Variants in HMBOX1 observed in about 807,000 individuals in gnomAD.
HMBOX1 encodes the protein homeobox containing 1.
HMBOX1 carries 14 observed loss-of-function variants against 54.5 expected under a neutral mutation model. The observed-to-expected ratio is 0.26, with a 90% CI of 0.17 to 0.40. The LOEUF is 0.40. Ranked by LOEUF, HMBOX1 falls within the 10% of genes least tolerant of loss-of-function variation. HMBOX1 has a pLI of 1.00. For synonymous variants in HMBOX1, 160 were observed against 181.0 expected, an observed-to-expected ratio of 0.88 and a Z score of 0.93; for missense variants, 332 against 514.4, an observed-to-expected ratio of 0.65 and a Z score of 3.43.
chr8:29,049,942 G>T (rs1031191985), intron 9 of HMBOX1, among the ~76,000 whole-genome samples: 1 of 152,192 alleles, frequency 6.6e-6, no homozygotes, highest in South Asian at 2.1e-4. Context: ...ATGCATGCAA[G>T]TGTGTGCTGA....
Position 28,940,347 on chromosome 8 carries a change from A to T in HMBOX1, c.-57-23464A>T, listed in dbSNP as rs1176412117. 3.3e-5 allele frequency among the ~76,000 whole-genome samples: 5 copies of T among 152,174 alleles called. No homozygotes were observed. The East Asian group carries it at 9.6e-4, about 29-fold the overall frequency. On this transcript the variant is annotated intron_variant, in intron 1 of 9. Coordinates refer to ENST00000287701, the MANE Select transcript of HMBOX1 (RefSeq NM_001135726.3). ...TTTAAAAGACTAGTTAATGAGCTTTATCATTAGTTCCTAAGGTGAATCCTT... is the reference window on the plus strand; with the variant it reads ...TTTAAAAGACTAGTTAATGAGCTTTTTCATTAGTTCCTAAGGTGAATCCTT...
chr8:28,935,345 A>G (rs367720936), intron 1 of HMBOX1, among the ~76,000 whole-genome samples: 1 of 152,222 alleles, frequency 6.6e-6, no homozygotes, highest in East Asian at 1.9e-4. Flanking sequence ...ACACAACTTA[A>G]GACTGTGTGA....
intron 1 of HMBOX1, among the ~76,000 whole-genome samples, chr8:28,902,956 C>T (rs558122260): frequency 3.7e-4 from 56 of 152,286 alleles, no homozygotes; most frequent in Non-Finnish European, 2.9e-5. Flanking sequence ...CAAGTGTATT[C>T]TCTATGATGG....
chr8:28,966,238 G>C (rs80001782), intron 2 of HMBOX1, among the ~76,000 whole-genome samples: 1 of 152,146 alleles, frequency 6.6e-6, no homozygotes, highest in Non-Finnish European at 1.5e-5. Flanking sequence ...AAAATGTATT[G>C]TGAAAAGTTA....
chr8:28,893,787 T>A (rs1811513958), intron 1 of HMBOX1, among the ~76,000 whole-genome samples: 1 of 152,218 alleles, frequency 6.6e-6, no homozygotes, highest in African/African-American at 2.4e-5. Flanking sequence ...TTGAATACAT[T>A]GGGAATATTT....
chr8:28,908,254 C>A (rs1814718896), intron 1 of HMBOX1, among the ~76,000 whole-genome samples: 1 of 152,016 alleles, frequency 6.6e-6, no homozygotes, highest in South Asian at 2.1e-4. Flanking sequence ...ATATAATTAG[C>A]TTGTCTTGTT....
chr8:29,035,582 G>C (rs1014587399), intron 6 of HMBOX1, among the ~76,000 whole-genome samples: 1 of 152,190 alleles, frequency 6.6e-6, no homozygotes, highest in African/African-American at 2.4e-5. Context: ...AACTGGTTAA[G>C]TGCAGTTTAC....
intron 4 of HMBOX1, among the ~76,000 whole-genome samples, chr8:28,981,202 A>T (rs569663173): frequency 4.9e-4 from 75 of 152,336 alleles, no homozygotes; most frequent in Admixed American, 1.2e-3. Context: ...ATCTAAGGTC[A>T]GCCAATCTTT....
rs183355252 is a variant in HMBOX1, at chr8:29,045,451, C to T, written c.934+8C>T. The T allele has an allele frequency of 5.6e-6, 9 of 1,611,302 alleles. No individual in the cohort carries two copies. The East Asian group carries it at 1.1e-4, about 20-fold the overall frequency. ...CAGTTATACAGAAGCCAGGTAAGGTCGCAGGCACAGCCTTGCTCTGCGGTG... is the reference window on the plus strand; with the variant it reads ...CAGTTATACAGAAGCCAGGTAAGGTTGCAGGCACAGCCTTGCTCTGCGGTG... On this transcript the variant is annotated splice_region_variant and intron_variant, in intron 7 of 9. Coordinates refer to ENST00000287701, the MANE Select transcript of HMBOX1 (RefSeq NM_001135726.3).
chr8:28,952,089 T>C (rs1823531312), intron 1 of HMBOX1, among the ~76,000 whole-genome samples: 1 of 150,818 alleles, frequency 6.6e-6, no homozygotes, highest in East Asian at 1.9e-4. Context: ...GGTGGGAGGA[T>C]TGTTTGAGCC....
chr8:28,964,687 A>G lies in HMBOX1; in HGVS notation c.23+797A>G, dbSNP rs138437989. The stretch of plus-strand genomic sequence containing the variant: ...ATACAGTAAGTAAACATTAAGAGAG[A>G]TTTTCCTTATTATTTAGGCTTTTCA... On this transcript the variant is annotated intron_variant, in intron 2 of 9. Transcript: ENST00000287701. Among the ~76,000 whole-genome samples the G allele has an allele frequency of 6.9e-3, 1,048 of 151,878 alleles. 19 individuals carry two copies. Among genetic ancestry groups the G allele is most frequent in the African/African-American group, 0.024 (1,001 of 41,366 alleles).
intron 1 of HMBOX1, among the ~76,000 whole-genome samples, chr8:28,941,553 G>A (rs1821418592): frequency 6.6e-6 from 1 of 151,988 alleles, no homozygotes; most frequent in Non-Finnish European, 1.5e-5. Context: ...GCTTTCAATG[G>A]CTTAGAAAAG....
intron 1 of HMBOX1, among the ~76,000 whole-genome samples, chr8:28,907,994 T>C (rs1814671916): frequency 6.6e-6 from 1 of 151,990 alleles, no homozygotes; most frequent in East Asian, 1.9e-4. Context: ...CACAGGTACA[T>C]GCCACCACAG....
At chr8:28,893,725 G>C (rs1406527577) in intron 1 of HMBOX1, among the ~76,000 whole-genome samples, 1 of 152,156 alleles carries the variant, frequency 6.6e-6, no homozygotes, top group Admixed American at 6.5e-5. Flanking sequence ...CCAGCTTATG[G>C]CAATTTTTGT....
At chr8:28,993,056 T>C (rs1473842263) in intron 4 of HMBOX1, among the ~76,000 whole-genome samples, 1 of 151,954 alleles carries the variant, frequency 6.6e-6, no homozygotes, top group Non-Finnish European at 1.5e-5. Flanking sequence ...CTAGTTTTTT[T>C]TTTTAACTTG....
chr8:28,984,378 T>C (rs1379521722), intron 4 of HMBOX1, among the ~76,000 whole-genome samples: 1 of 152,152 alleles, frequency 6.6e-6, no homozygotes, highest in Non-Finnish European at 1.5e-5. Flanking sequence ...ATAAAAAGTG[T>C]AATGAGGTGC....
chr8:28,965,249 T>C (rs1161991727), intron 2 of HMBOX1, among the ~76,000 whole-genome samples: 2 of 152,242 alleles, frequency 1.3e-5, no homozygotes, highest in African/African-American at 4.8e-5. Flanking sequence ...TCCAGTTTTC[T>C]CATTCCACAC....
intron 4 of HMBOX1, among the ~76,000 whole-genome samples, chr8:28,995,071 A>T (rs1831589142): frequency 6.6e-6 from 1 of 152,230 alleles, no homozygotes; most frequent in South Asian, 2.1e-4. Flanking sequence ...AAGTCAAATA[A>T]GAATTCTGGA....
chr8:29,043,252 C>T (rs1252067421), intron 6 of HMBOX1, among the ~76,000 whole-genome samples: 1 of 152,206 alleles, frequency 6.6e-6, no homozygotes, highest in Non-Finnish European at 1.5e-5. Flanking sequence ...TTTTATCTAC[C>T]ATTTTGCCTT....
Sources: gnomAD v4.1 joint callset for allele counts (sites outside exome capture counted in the v4.1 genomes callset) on GRCh38, gnomAD v4.1.1 for gene constraint, MANE v1.5 for transcripts, NCBI Gene and HGNC (gene_info 2026-07-23, HGNC 2026-07-21) for gene names.